CHLSN: variants seen among roughly 807,000 people sequenced by gnomAD.
CHLSN encodes cholesin.
At chr7:1,128,031 G>A in the CHLSN span, among the ~76,000 whole-genome samples, 1 of 24,196 alleles carries the variant, frequency 4.1e-5, no homozygotes, top group East Asian at 6.4e-4. Context: ...GCACGATCTC[G>A]GCTCATCCCA....
At chr7:1,019,982 C>T in the CHLSN span, among the ~76,000 whole-genome samples, 1 of 152,226 alleles carries the variant, frequency 6.6e-6, no homozygotes, top group African/African-American at 2.4e-5. Flanking sequence ...GCTTAGGACG[C>T]TCGGCTCTCG....
At chr7:981,793 C>T in the CHLSN span, among the ~76,000 whole-genome samples, 2 of 152,026 alleles carry the variant, frequency 1.3e-5, no homozygotes, top group African/African-American at 4.8e-5. Context: ...TTTGGGAGGT[C>T]GAGGCAGGAG....
chr7:987,926 T>C, the CHLSN span, among the ~76,000 whole-genome samples: 1 of 140,446 alleles, frequency 7.1e-6, no homozygotes, highest in Non-Finnish European at 1.5e-5. Flanking sequence ...GGATCCCCTG[T>C]GTGTCCTGGG....
the CHLSN span, among the ~76,000 whole-genome samples, chr7:991,330 C>T: frequency 2.0e-5 from 3 of 152,224 alleles, no homozygotes; most frequent in Admixed American, 6.5e-5. Flanking sequence ...CAGGGCTCCT[C>T]CACGGGGTAC....
At chr7:978,757 G>C in the CHLSN span, among the ~76,000 whole-genome samples, 28 of 152,350 alleles carry the variant, frequency 1.8e-4, no homozygotes, top group African/African-American at 5.8e-4. Context: ...ACGTGGCCGT[G>C]TTCGCGTTAT....
chr7:983,372 G>T, the CHLSN span: 1 of 1,519,880 alleles, frequency 6.6e-7, no homozygotes. Context: ...CAACAGGACC[G>T]GTCCCTGATG....
At chr7:1,127,307 G>A in the CHLSN span, 10 of 1,611,934 alleles carry the variant, frequency 6.2e-6, no homozygotes, top group South Asian at 7.7e-5. Flanking sequence ...CCCAGCAGTG[G>A]CCCCTCTGCT....
chr7:1,083,030 G>T, the CHLSN span, among the ~76,000 whole-genome samples: 1 of 152,212 alleles, frequency 6.6e-6, no homozygotes, highest in Non-Finnish European at 1.5e-5. Context: ...GCCTCTCCTC[G>T]GATATTCCGC....
At chr7:1,050,960 C>T in the CHLSN span, among the ~76,000 whole-genome samples, 5 of 152,232 alleles carry the variant, frequency 3.3e-5, no homozygotes, top group African/African-American at 7.2e-5. Context: ...GCGGCCATGC[C>T]GTCAGAGAGG....
chr7:1,041,656 C>G, the CHLSN span, among the ~76,000 whole-genome samples: 1 of 152,354 alleles, frequency 6.6e-6, no homozygotes, highest in South Asian at 2.1e-4. Context: ...ACAAGCCATA[C>G]TCACAAGAAC....
the CHLSN span, among the ~76,000 whole-genome samples, chr7:1,012,467 G>A: frequency 0.022 from 3,421 of 152,360 alleles, 126 homozygotes; most frequent in East Asian, 0.19. Flanking sequence ...GCCCGGTGCA[G>A]GGCTGCTTCT....
the CHLSN span, among the ~76,000 whole-genome samples, chr7:1,001,313 C>T: frequency 6.6e-6 from 1 of 151,984 alleles, no homozygotes; most frequent in African/African-American, 2.4e-5. Flanking sequence ...TTGCCTGACC[C>T]CACTGCCATG....
the CHLSN span, among the ~76,000 whole-genome samples, chr7:1,094,394 C>T: frequency 2.6e-5 from 4 of 152,254 alleles, no homozygotes; most frequent in African/African-American, 7.2e-5. Flanking sequence ...CCTCACTTTT[C>T]CTGTGTTTGC....
At chr7:997,655 G>A in the CHLSN span, 1 of 1,609,496 alleles carries the variant, frequency 6.2e-7, no homozygotes, top group Admixed American at 1.7e-5. Flanking sequence ...CCTGTCGGAT[G>A]CGCTGGGCCC....
the CHLSN span, among the ~76,000 whole-genome samples, chr7:1,123,996 C>T: frequency 1.3e-5 from 2 of 152,168 alleles, no homozygotes; most frequent in Non-Finnish European, 2.9e-5. This position sits in a 1 kb window ranked among gnomAD's most constrained non-coding sequence, Gnocchi z 4.4. Context: ...ACCAACTCCA[C>T]GCCAGTGGCC....
the CHLSN span, chr7:1,044,630 G>GC: frequency 6.6e-6 from 1 of 151,596 alleles, no homozygotes; most frequent in Non-Finnish European, 1.5e-5. Flanking sequence ...GCCCGGCGGC[G>GC]ACTGCGCCGG....
At chr7:1,041,019 C>T in the CHLSN span, among the ~76,000 whole-genome samples, 6 of 152,360 alleles carry the variant, frequency 3.9e-5, no homozygotes, top group African/African-American at 1.2e-4. Context: ...TGCTGGAGAC[C>T]CATCCTGGGC....
the CHLSN span, among the ~76,000 whole-genome samples, chr7:994,034 A>G: frequency 1.2e-4 from 19 of 152,240 alleles, no homozygotes; most frequent in African/African-American, 4.3e-4. Flanking sequence ...CGCACCCCCA[A>G]TGTCAGGGAG....
At chr7:1,115,578 G>A in the CHLSN span, among the ~76,000 whole-genome samples, 4,865 of 126,316 alleles carry the variant, frequency 0.039, 656 homozygotes, top group African/African-American at 0.13. Context: ...CATCACCAAC[G>A]CCCAGGCAGG....
Sources: allele counts gnomAD v4.1 joint callset (sites outside exome capture counted in the v4.1 genomes callset), GRCh38; gene constraint gnomAD v4.1.1; non-coding constraint Gnocchi (gnomAD v3.1); transcripts MANE v1.5; gene names NCBI Gene and HGNC (gene_info 2026-07-23, HGNC 2026-07-21).